PDE4D: variants seen among roughly 807,000 people sequenced by gnomAD.
The protein encoded by PDE4D is phosphodiesterase 4D.
Under a neutral mutation model 87.4 loss-of-function variants are expected in PDE4D, and 24 were observed. That is an observed-to-expected ratio of 0.27 (90% CI 0.20 to 0.39). PDE4D has a LOEUF of 0.39. Ranked by LOEUF, PDE4D falls within the 10% of genes least tolerant of loss-of-function variation. PDE4D has a pLI of 1.00. For synonymous variants in PDE4D, 384 were observed against 383.2 expected (o/e 1.00, Z -0.02); for missense variants, 714 against 1,041.0 (o/e 0.69, Z 4.32).
intron 3 of PDE4D, among the ~76,000 whole-genome samples, chr5:59,970,226 A>G (rs1042312543): frequency 1.3e-5 from 2 of 152,200 alleles, no homozygotes; most frequent in African/African-American, 4.8e-5. Flanking sequence ...TTAAAGACTT[A>G]AACGTTAGAC....
intron 3 of PDE4D, among the ~76,000 whole-genome samples, chr5:59,958,712 T>C (rs192508283): frequency 8.9e-4 from 136 of 152,232 alleles, no homozygotes; most frequent in Admixed American, 4.4e-3. Context: ...AAGAGTCATC[T>C]ATGAAAAACC....
At chr5:59,634,922 C>T (rs1324277951) in intron 1 of PDE4D, among the ~76,000 whole-genome samples, 1 of 151,924 alleles carries the variant, frequency 6.6e-6, no homozygotes, top group Admixed American at 6.6e-5. Context: ...CAGAAAAAAC[C>T]CTTTGAAAAA....
chr5:59,726,034 T>G (rs1345713455), intron 1 of PDE4D, among the ~76,000 whole-genome samples: 1 of 152,124 alleles, frequency 6.6e-6, no homozygotes, highest in East Asian at 1.9e-4. Context: ...TGTCTGGCAC[T>G]GAGAAGGGTT....
chr5:59,713,374 C>A (rs1754495498), intron 1 of PDE4D, among the ~76,000 whole-genome samples: 1 of 152,158 alleles, frequency 6.6e-6, no homozygotes, highest in Non-Finnish European at 1.5e-5. Context: ...ATTAGGTGAT[C>A]ACCCACATGA....
At chr5:59,845,704 G>T (rs1164943633) in intron 1 of PDE4D, among the ~76,000 whole-genome samples, 1 of 151,996 alleles carries the variant, frequency 6.6e-6, no homozygotes, top group Non-Finnish European at 1.5e-5. Flanking sequence ...AAATTTCATC[G>T]AATAATTCAT....
At chr5:60,172,533 G>A (rs868417117) in intron 2 of PDE4D, among the ~76,000 whole-genome samples, 4 of 151,978 alleles carry the variant, frequency 2.6e-5, no homozygotes, top group Non-Finnish European at 5.9e-5. Context: ...TTTCTTCCCT[G>A]TTTTGTCTCT....
intron 1 of PDE4D, among the ~76,000 whole-genome samples, chr5:59,294,653 G>A (rs1020288608): frequency 2.0e-5 from 3 of 152,136 alleles, no homozygotes; most frequent in Admixed American, 2.0e-4. Flanking sequence ...ATTAAATAGT[G>A]CAGGTAAAAT....
rs375726202 is a variant in PDE4D, at chr5:60,323,041, A to G, written c.-89-137354T>C. Reference sequence around the variant, plus strand: ...ATTCTTCCATCTCCTCTGTAGGTTGATCTTCGTTCACATAGATGTGAGATT... The same window carrying G: ...ATTCTTCCATCTCCTCTGTAGGTTGGTCTTCGTTCACATAGATGTGAGATT... On this transcript the variant is annotated intron_variant, in intron 1 of 16. Coordinates refer to the PDE4D transcript ENST00000502484. Among the ~76,000 whole-genome samples the G allele has an allele frequency of 8.5e-5, 13 of 152,236 alleles. No homozygotes were observed. The South Asian group carries it at 1.9e-3, about 22-fold the overall frequency.
chr5:59,496,515 G>C (rs1429053902), intron 1 of PDE4D, among the ~76,000 whole-genome samples: 2 of 152,092 alleles, frequency 1.3e-5, no homozygotes, highest in Non-Finnish European at 2.9e-5. Flanking sequence ...GGGTTCCCCA[G>C]TCGGCTTCCT....
chr5:59,004,611 T>A (rs1458214434), intron 6 of PDE4D, among the ~76,000 whole-genome samples: 1 of 152,268 alleles, frequency 6.6e-6, no homozygotes, highest in African/African-American at 2.4e-5. Context: ...CTAGAAAATT[T>A]GGTGTGGATT....
chr5:59,612,712 A>T (rs1437548927), intron 1 of PDE4D, among the ~76,000 whole-genome samples: 1 of 152,190 alleles, frequency 6.6e-6, no homozygotes, highest in Non-Finnish European at 1.5e-5. Context: ...AAATAAAAGG[A>T]TAGCCTCACT....
intron 2 of PDE4D, among the ~76,000 whole-genome samples, chr5:60,138,530 T>C (rs1224220638): frequency 6.6e-6 from 1 of 152,106 alleles, no homozygotes; most frequent in Admixed American, 6.6e-5. Flanking sequence ...TCTGGAAATG[T>C]CTTTCATTAT....
intron 2 of PDE4D, among the ~76,000 whole-genome samples, chr5:60,129,953 G>A (rs971558992): frequency 1.3e-5 from 2 of 152,098 alleles, no homozygotes; most frequent in Non-Finnish European, 2.9e-5. Flanking sequence ...TTAGAAGGTA[G>A]GGCCTGGGGG....
intron 1 of PDE4D, among the ~76,000 whole-genome samples, chr5:60,417,096 T>C (rs1447309111): frequency 3.3e-5 from 5 of 152,222 alleles, no homozygotes; most frequent in South Asian, 2.1e-4. Flanking sequence ...GTCATGGTAA[T>C]AGCCACAATG....
chr5:59,490,041 AGTAT>A (rs1294469782), intron 1 of PDE4D, among the ~76,000 whole-genome samples: 1 of 152,176 alleles, frequency 6.6e-6, no homozygotes, highest in Admixed American at 6.5e-5. Context: ...TATTACTTCC[AGTAT>A]AGTAAAAATA....
intron 1 of PDE4D, among the ~76,000 whole-genome samples, chr5:59,882,224 T>C (rs1428916223): frequency 6.6e-6 from 1 of 152,176 alleles, no homozygotes; most frequent in Non-Finnish European, 1.5e-5. Flanking sequence ...CTTTCTTCAG[T>C]GTCTGTAGTA....
intron 5 of PDE4D, among the ~76,000 whole-genome samples, chr5:59,168,073 AAAAACAAAAC>A (rs974374767): frequency 6.6e-6 from 1 of 152,162 alleles, no homozygotes; most frequent in African/African-American, 2.4e-5. Context: ...GGAACCACAA[AAAAACAAAAC>A]AAAACAAAAC....
At chr5:59,989,558 G>C (rs1270152766) in intron 2 of PDE4D, among the ~76,000 whole-genome samples, 1 of 151,874 alleles carries the variant, frequency 6.6e-6, no homozygotes, top group Non-Finnish European at 1.5e-5. Context: ...AGACTGAGAG[G>C]GTAGTAAGAA....
intron 1 of PDE4D, among the ~76,000 whole-genome samples, chr5:60,285,271 G>A (rs554935905): frequency 1.9e-4 from 29 of 152,148 alleles, no homozygotes; most frequent in African/African-American, 6.7e-4. Context: ...CCGCCACAAA[G>A]GGGACCTGAA....
Sources: gnomAD v4.1 joint callset for allele counts (sites outside exome capture counted in the v4.1 genomes callset) on GRCh38, gnomAD v4.1.1 for gene constraint, MANE v1.5 for transcripts, NCBI Gene and HGNC (gene_info 2026-07-23, HGNC 2026-07-21) for gene names.